Variants in NPAS3 observed in about 807,000 individuals in gnomAD.
NPAS3 encodes the protein neuronal PAS domain-containing protein 3.
In NPAS3, 14 loss-of-function variants were observed where a neutral mutation model predicts 73.1. That is an observed-to-expected ratio of 0.19 (90% CI 0.13 to 0.30). The LOEUF is 0.30. Among genes scored for constraint, NPAS3 ranks in the 10% least tolerant of loss-of-function variants. NPAS3 has a pLI of 1.00. For missense variants in NPAS3, 1,096 were observed against 1,250.0 expected, an observed-to-expected ratio of 0.88 and a Z score of 1.86; for synonymous variants, 620 against 541.5, an observed-to-expected ratio of 1.14 and a Z score of -2.01.
intron 2 of NPAS3, among the ~76,000 whole-genome samples, chr14:33,183,200 C>T (rs964174951): frequency 7.9e-5 from 12 of 152,074 alleles, no homozygotes; most frequent in East Asian, 3.9e-4. Flanking sequence ...CCGAGGCAGG[C>T]GGATCACTTG....
intron 7 of NPAS3, among the ~76,000 whole-genome samples, chr14:33,743,112 CA>C (rs1411941427): frequency 1.3e-5 from 2 of 152,200 alleles, no homozygotes; most frequent in African/African-American, 2.4e-5. Context: ...CCATGAATCA[CA>C]AATGTTCTTA....
intron 2 of NPAS3, among the ~76,000 whole-genome samples, chr14:33,128,791 G>A (rs915526538): frequency 2.0e-5 from 3 of 152,186 alleles, no homozygotes; most frequent in South Asian, 4.2e-4. Context: ...ATGTTACCTT[G>A]TCTCTGGTGT....
intron 2 of NPAS3, among the ~76,000 whole-genome samples, chr14:33,156,808 C>T (rs2044663707): frequency 6.6e-6 from 1 of 152,122 alleles, no homozygotes; most frequent in South Asian, 2.1e-4. Context: ...AGTCACAGTG[C>T]ACTTAGCATT....
In NPAS3 at chr14:32,957,486, C is replaced by T. The variant is rs548396183; in HGVS notation, c.50+18120C>T. The stretch of plus-strand genomic sequence containing the variant: ...TCCTGGGTTCACGCCATTCTCCTGC[C>T]TCAGCCTCCCGAGTAGCTGGGTCTA... On this transcript the variant is annotated intron_variant, in intron 1 of 11. Transcript: ENST00000356141. Among the ~76,000 whole-genome samples the T allele has an allele frequency of 4.3e-4, 65 of 151,950 alleles. 2 individuals carry two copies. The highest frequency in any genetic ancestry group is 1.6e-3 in the African/African-American group (65 of 41,432).
chr14:33,046,042 C>G (rs984020058), intron 1 of NPAS3, among the ~76,000 whole-genome samples: 4 of 151,920 alleles, frequency 2.6e-5, no homozygotes, highest in Non-Finnish European at 5.9e-5. Context: ...AACAAAACAA[C>G]AAGAAGATTT....
At chr14:33,423,100 G>A (rs751860264) in intron 4 of NPAS3, among the ~76,000 whole-genome samples, 3 of 152,006 alleles carry the variant, frequency 2.0e-5, no homozygotes, top group Non-Finnish European at 4.4e-5. Flanking sequence ...ATGAGGAGCA[G>A]AATCCGCTGG....
chr14:33,468,159 T>A (rs1425953155), intron 4 of NPAS3, among the ~76,000 whole-genome samples: 6 of 152,222 alleles, frequency 3.9e-5, no homozygotes, highest in Non-Finnish European at 1.5e-5. Flanking sequence ...CTTTTGAATG[T>A]ATCTATAAAC....
chr14:33,735,654 C>CGAGT (rs1300031333), intron 7 of NPAS3, among the ~76,000 whole-genome samples: 2 of 152,114 alleles, frequency 1.3e-5, no homozygotes, highest in Non-Finnish European at 2.9e-5. Flanking sequence ...GTCCTCAAGA[C>CGAGT]GAGTGCTCTA....
chr14:33,054,921 T>A (rs968862356), intron 1 of NPAS3, among the ~76,000 whole-genome samples: 1 of 152,048 alleles, frequency 6.6e-6, no homozygotes, highest in East Asian at 1.9e-4. Flanking sequence ...CTTATCTGAG[T>A]TTTTATAAAG....
chr14:33,308,962 A>G lies in NPAS3; in HGVS notation c.386-58224A>G, dbSNP rs181511230. On this transcript the variant is annotated intron_variant, in intron 3 of 11. Transcript: ENST00000356141. Reference sequence around the variant, plus strand: ...TAGGAACTGTGACGTAGTTTCTTAGATGGAGAAATTTGCGAAAGAAAAACA... The same window carrying G: ...TAGGAACTGTGACGTAGTTTCTTAGGTGGAGAAATTTGCGAAAGAAAAACA... Among the ~76,000 whole-genome samples the G allele has an allele frequency of 2.2e-4, 33 of 152,256 alleles. 1 individual carries two copies. Among genetic ancestry groups the G allele is most frequent in the African/African-American group, 7.2e-4 (30 of 41,574 alleles).
chr14:33,026,642 T>C (rs2039813236), intron 1 of NPAS3, among the ~76,000 whole-genome samples: 1 of 152,202 alleles, frequency 6.6e-6, no homozygotes, highest in African/African-American at 2.4e-5. Flanking sequence ...TGTCTGATTT[T>C]ACTTCTTCCT....
At chr14:33,384,473 T>TAATC (rs1218946701) in intron 4 of NPAS3, among the ~76,000 whole-genome samples, 2 of 151,174 alleles carry the variant, frequency 1.3e-5, no homozygotes, top group East Asian at 3.9e-4. Context: ...CTCACACCTG[T>TAATC]AATCCTAGCA....
intron 3 of NPAS3, among the ~76,000 whole-genome samples, chr14:33,228,419 A>C (rs1231448365): frequency 6.6e-6 from 1 of 152,222 alleles, no homozygotes; most frequent in Non-Finnish European, 1.5e-5. Flanking sequence ...AAACAAAAAA[A>C]TTCTTAAAAT....
chr14:33,284,326 C>T (rs1204462500), intron 3 of NPAS3, among the ~76,000 whole-genome samples: 2 of 148,092 alleles, frequency 1.4e-5, no homozygotes, highest in Non-Finnish European at 2.9e-5. Flanking sequence ...AAACAGTGCT[C>T]TATTTTTTTT....
intron 5 of NPAS3, among the ~76,000 whole-genome samples, chr14:33,586,806 C>T (rs2056877249): frequency 6.6e-6 from 1 of 152,160 alleles, no homozygotes; most frequent in Non-Finnish European, 1.5e-5. Context: ...GAAGAGGAGA[C>T]AATGCTTACC....
At chr14:33,362,313 C>T (rs1439455643) in intron 3 of NPAS3, among the ~76,000 whole-genome samples, 1 of 152,108 alleles carries the variant, frequency 6.6e-6, no homozygotes, top group Non-Finnish European at 1.5e-5. Context: ...AAGACACAGC[C>T]TATATTACAT....
At chr14:33,294,350 T>G (rs2042214137) in intron 3 of NPAS3, among the ~76,000 whole-genome samples, 1 of 152,218 alleles carries the variant, frequency 6.6e-6, no homozygotes, top group South Asian at 2.1e-4. Flanking sequence ...GGGCCTCATT[T>G]TTTTGACCTA....
intron 10 of NPAS3, among the ~76,000 whole-genome samples, chr14:33,794,911 G>T (rs748541105): frequency 2.8e-4 from 43 of 152,146 alleles, no homozygotes; most frequent in Non-Finnish European, 5.1e-4. Context: ...TCTGGTCTTT[G>T]GCTTCTCCTG....
At chr14:33,062,107 C>T (rs978810705) in intron 2 of NPAS3, among the ~76,000 whole-genome samples, 1 of 152,062 alleles carries the variant, frequency 6.6e-6, no homozygotes, top group Non-Finnish European at 1.5e-5. Context: ...TGGGAGAGCC[C>T]TGGCAGGAGT....
Sources: allele counts gnomAD v4.1 joint callset (sites outside exome capture counted in the v4.1 genomes callset), GRCh38; gene constraint gnomAD v4.1.1; transcripts MANE v1.5; gene names NCBI Gene and HGNC (gene_info 2026-07-23, HGNC 2026-07-21).